Variants in CIMIP5 observed in about 807,000 individuals in gnomAD.
CIMIP5 encodes ciliary microtubule inner protein 5.
At chr2:11,143,909 C>T in the CIMIP5 span, 24 of 1,565,156 alleles carry the variant, frequency 1.5e-5, no homozygotes, top group Non-Finnish European at 2.1e-5. Flanking sequence ...CGAGCTGTCC[C>T]CTCTCCTCAG....
At chr2:11,136,408 G>C in the CIMIP5 span, among the ~76,000 whole-genome samples, 213 of 152,314 alleles carry the variant, frequency 1.4e-3, 2 homozygotes, top group South Asian at 0.041. Flanking sequence ...AAGGAGTAAA[G>C]GATGACAGGT....
the CIMIP5 span, among the ~76,000 whole-genome samples, chr2:11,143,084 C>T: frequency 6.6e-6 from 1 of 152,168 alleles, no homozygotes; most frequent in Non-Finnish European, 1.5e-5. Context: ...ATGGCCAAAA[C>T]AGCACTACTC....
At chr2:11,151,845 G>A in the CIMIP5 span, among the ~76,000 whole-genome samples, 1 of 152,254 alleles carries the variant, frequency 6.6e-6, no homozygotes, top group East Asian at 1.9e-4. Flanking sequence ...TGTTGGCCAG[G>A]CTGGTCTCTT....
At chr2:11,133,390 T>G in the CIMIP5 span, 1 of 1,612,116 alleles carries the variant, frequency 6.2e-7, no homozygotes, top group Non-Finnish European at 8.5e-7. Context: ...GGGTACCGAT[T>G]GCCCCCCACC....
At chr2:11,144,271 T>C in the CIMIP5 span, 1 of 510,480 alleles carries the variant, frequency 2.0e-6, no homozygotes, top group South Asian at 4.9e-5. Flanking sequence ...GGGTCACTCT[T>C]ACACACTTTT....
chr2:11,154,136 T>TC, the CIMIP5 span, among the ~76,000 whole-genome samples: 1 of 151,868 alleles, frequency 6.6e-6, no homozygotes, highest in Non-Finnish European at 1.5e-5. Context: ...GCCACCACGC[T>TC]CGGCTAATTT....
At chr2:11,140,646 C>T in the CIMIP5 span, 2 of 951,854 alleles carry the variant, frequency 2.1e-6, no homozygotes, top group Non-Finnish European at 3.1e-6. Context: ...CTACTCTACA[C>T]CAGATACTGG....
chr2:11,151,373 A>T, the CIMIP5 span, among the ~76,000 whole-genome samples: 2 of 152,204 alleles, frequency 1.3e-5, no homozygotes, highest in Non-Finnish European at 2.9e-5. Flanking sequence ...TCGAGTTCAG[A>T]TCTCCTCTGT....
the CIMIP5 span, among the ~76,000 whole-genome samples, chr2:11,149,600 G>A: frequency 6.6e-6 from 1 of 152,104 alleles, no homozygotes; most frequent in Non-Finnish European, 1.5e-5. Context: ...CCAGCTACTT[G>A]GGAGGCTGAG....
the CIMIP5 span, among the ~76,000 whole-genome samples, chr2:11,152,012 T>C: frequency 1.3e-5 from 2 of 152,340 alleles, no homozygotes; most frequent in East Asian, 3.9e-4. Flanking sequence ...AGGATGGAGA[T>C]GGAATCACAC....
chr2:11,148,043 G>A, the CIMIP5 span, among the ~76,000 whole-genome samples: 8 of 152,218 alleles, frequency 5.3e-5, no homozygotes, highest in East Asian at 5.8e-4. Context: ...CAAGGGCCAG[G>A]AGACAGCAGG....
At chr2:11,137,794 C>T in the CIMIP5 span, among the ~76,000 whole-genome samples, 1 of 152,186 alleles carries the variant, frequency 6.6e-6, no homozygotes, top group Non-Finnish European at 1.5e-5. Flanking sequence ...CCAGTGGGAG[C>T]AGGAGGATAT....
At chr2:11,140,155 AG>A in the CIMIP5 span, among the ~76,000 whole-genome samples, 187 of 150,144 alleles carry the variant, frequency 1.2e-3, no homozygotes, top group African/African-American at 4.4e-3. Flanking sequence ...TGGGAGGCCG[AG>A]GCGGGCGGAT....
the CIMIP5 span, among the ~76,000 whole-genome samples, chr2:11,147,680 C>T: frequency 2.0e-5 from 3 of 152,350 alleles, no homozygotes; most frequent in South Asian, 4.1e-4. Flanking sequence ...TGTGCAGGCA[C>T]ACTGATGGCT....
At chr2:11,135,879 G>A in the CIMIP5 span, among the ~76,000 whole-genome samples, 1 of 152,054 alleles carries the variant, frequency 6.6e-6, no homozygotes, top group Non-Finnish European at 1.5e-5. Flanking sequence ...CTGATGATGA[G>A]TGACATTGAT....
the CIMIP5 span, among the ~76,000 whole-genome samples, chr2:11,140,876 G>A: frequency 6.6e-6 from 1 of 152,070 alleles, no homozygotes; most frequent in Admixed American, 6.6e-5. Context: ...TGCCCGAGAA[G>A]GACAATGAGA....
the CIMIP5 span, among the ~76,000 whole-genome samples, chr2:11,153,995 G>C: frequency 6.7e-6 from 1 of 149,848 alleles, no homozygotes; most frequent in Admixed American, 6.6e-5. Flanking sequence ...ATTTATTTTT[G>C]AGACAGGGTC....
At chr2:11,133,310 G>GCACA in the CIMIP5 span, 740 of 1,356,358 alleles carry the variant, frequency 5.5e-4, 1 homozygote, top group African/African-American at 8.8e-3. Flanking sequence ...TGACACAAGC[G>GCACA]CACACACACA....
the CIMIP5 span, among the ~76,000 whole-genome samples, chr2:11,140,086 C>CAAAAA: frequency 3.8e-3 from 322 of 84,744 alleles, 12 homozygotes; most frequent in African/African-American, 0.016. Flanking sequence ...GACTCCCTCT[C>CAAAAA]AAAAAAAAAA....
Sources: gnomAD v4.1 joint callset for allele counts (sites outside exome capture counted in the v4.1 genomes callset) on GRCh38, gnomAD v4.1.1 for gene constraint, MANE v1.5 for transcripts, NCBI Gene and HGNC (gene_info 2026-07-23, HGNC 2026-07-21) for gene names.